The following FMR1 variants were observed in gnomAD, a reference collection of about 807,000 sequenced individuals.
The protein encoded by FMR1 is FMRP translational regulator 1.
FMR1 carries 13 observed loss-of-function variants against 50.6 expected under a neutral mutation model. The ratio of observed to expected loss-of-function variants is 0.26; its 90% CI spans 0.17 to 0.41. FMR1 has a LOEUF of 0.41. Ranked by LOEUF, FMR1 falls within the 10% of genes least tolerant of loss-of-function variation. The pLI is 1.00. For synonymous variants in FMR1, 138 were observed against 164.1 expected (o/e 0.84, Z 1.22); for missense variants, 316 against 491.3 (o/e 0.64, Z 3.37).
intron 9 of FMR1, among the ~76,000 whole-genome samples, chrX:147,935,290 G>C (rs1047412427): frequency 1.8e-5 from 2 of 111,897 alleles, no homozygotes; most frequent in Non-Finnish European, 3.8e-5. Flanking sequence ...AGAGTTTCTA[G>C]GGGTGAATGA....
intron 1 of FMR1, among the ~76,000 whole-genome samples, chrX:147,918,907 C>G (rs1557175914): frequency 9.0e-6 from 1 of 110,755 alleles, no homozygotes; most frequent in Non-Finnish European, 1.9e-5. Flanking sequence ...TAAGTAGTCG[C>G]ACATGACCCG....
intron 5 of FMR1, among the ~76,000 whole-genome samples, 154 bp from the exon 6 acceptor site, chrX:147,929,794 A>G (rs2043527013): frequency 1.8e-5 from 2 of 112,037 alleles, no homozygotes; most frequent in South Asian, 3.7e-4. Context: ...AGAAATGTAC[A>G]GAAAAGGAGC....
intron 16 of FMR1, among the ~76,000 whole-genome samples, chrX:147,946,596 C>T (rs1332721320): frequency 8.9e-6 from 1 of 112,437 alleles, no homozygotes; most frequent in Non-Finnish European, 1.9e-5. Flanking sequence ...TTTATTATTC[C>T]ACTTTATAGG....
Position 147,945,524 on chromosome X carries a change from A to G in FMR1, c.1655-10A>G. The G allele has an allele frequency of 8.4e-7, 1 of 1,191,794 alleles. No individual in the cohort carries two copies. The highest frequency in any genetic ancestry group is 1.1e-6 in the Non-Finnish European group (1 of 877,281). On this transcript the variant is annotated splice_polypyrimidine_tract_variant and intron_variant, in intron 15 of 16. Transcript: ENST00000370475. The stretch of plus-strand genomic sequence containing the variant: ...AGTAACTGTTGAACCTTTTGAAAAT[A>G]TTCTCATAGGAAACGACGATCACTC...
At position 147,949,837 on chromosome X, in the gene FMR1, T is replaced by C. The variant is rs1406330578; in HGVS notation, c.*993T>C. ...AAGTTTTGTGAAATTTTTCATATTT[T>C]AATTTCAAGCTTATTTTGGAGAGAT... On this transcript the variant is annotated 3_prime_UTR_variant, in exon 17 of 17. Transcript: ENST00000370475. 6.1e-6 allele frequency: 2 copies of C among 325,498 alleles called. No homozygotes were observed. The highest frequency in any genetic ancestry group is 9.5e-4 in the Middle Eastern group (1 of 1,058). The allele number at this position is 325,498 out of a possible 1,213,427, so 26.8% of individuals were successfully genotyped here.
chrX:147,932,249 T>TA (rs2043633683), intron 7 of FMR1, among the ~76,000 whole-genome samples, 176 bp from the exon 8 acceptor site: 1 of 111,845 alleles, frequency 8.9e-6, no homozygotes, highest in Non-Finnish European at 1.9e-5. Flanking sequence ...TTTAGTAACC[T>TA]AAAAAGTACT....
chrX:147,917,392 G>T (rs1437050971), intron 1 of FMR1, among the ~76,000 whole-genome samples: 1 of 111,535 alleles, frequency 9.0e-6, no homozygotes, highest in Non-Finnish European at 1.9e-5. Flanking sequence ...TTACCTCTTT[G>T]GCCCAGTTGC....
At chrX:147,914,094 T>G (rs2042731750) in intron 1 of FMR1, 1 of 112,546 alleles carries the variant, frequency 8.9e-6, no homozygotes, top group African/African-American at 3.2e-5. Context: ...AGAAATGCCT[T>G]CTATTTTTGC....
Position 147,932,479 on chromosome X carries a change from C to A in FMR1, c.685C>A (p.Leu229Met). The A allele has an allele frequency of 1.7e-6, 2 of 1,209,091 alleles. No homozygotes were observed. The highest frequency in any genetic ancestry group is 2.2e-6 in the Non-Finnish European group (2 of 893,129). Residue 229 changes from leucine to methionine, a missense_variant, in exon 8 of 17, where the codon CTG (leucine) becomes ATG (methionine). Transcript: ENST00000370475. ...TGAACAGTTTATCGTAAGAGAAGAT[C>A]TGATGGGTCTAGCTATTGGTACTCA... ...FHEQFIVREDLMGLAIGTHGA... is the reference protein window; with the variant it reads ...FHEQFIVREDMMGLAIGTHGA...
chrX:147,944,061 A>G, intron 14 of FMR1: 2 of 457,147 alleles, frequency 4.4e-6, no homozygotes, highest in Non-Finnish European at 5.4e-6. Flanking sequence ...CAACAGAGGA[A>G]GAGAGAGGTA....
intron 1 of FMR1, chrX:147,912,880 G>T (rs2042664207): frequency 2.4e-5 from 7 of 291,624 alleles, no homozygotes; most frequent in Non-Finnish European, 4.2e-5. Flanking sequence ...AAAAGTTTCA[G>T]GAAGACCCTA....
At chrX:147,932,630 A>G (rs1468916399) in intron 8 of FMR1, 35 bp downstream of exon 8, 14 of 1,194,200 alleles carry the variant, frequency 1.2e-5, no homozygotes, top group African/African-American at 1.7e-5. Context: ...TTTTTCCCCA[A>G]ACAAGTATTT....
intron 15 of FMR1, 135 bp downstream of exon 15, chrX:147,945,186 A>G: frequency 2.1e-6 from 2 of 962,421 alleles, no homozygotes; most frequent in Admixed American, 5.3e-5. Context: ...ATAGGAAAGG[A>G]TCAGCCTTCC....
At position 147,930,208 on chromosome X, in the gene FMR1, G is replaced by A. The variant is rs1557178456; in HGVS notation, c.594G>A (p.Leu198=). The change falls in exon 7 of 17, where the codon CTG becomes CTA. Residue 198 remains leucine (L), a synonymous_variant. Transcript: ENST00000370475. ...HFRSLRTKLS[L]IMRNEEASKQ... is the part of the protein sequence containing the mutation. The stretch of plus-strand genomic sequence containing the variant: ...GGAGTCTGCGCACTAAGTTGTCTCT[G>A]ATAATGAGAAATGAAGAAGCTAGTA... 8.3e-7 allele frequency: 1 copy of A among 1,202,628 alleles called. No individual in the cohort carries two copies. Among genetic ancestry groups the A allele is most frequent in the Non-Finnish European group, 1.1e-6 (1 of 888,678 alleles).
At position 147,945,148 on chromosome X, in the gene FMR1, C is replaced by T. The variant is rs1208002886; in HGVS notation, c.1654+97C>T. 12 of 1,111,864 alleles carry T rather than the reference C, an allele frequency of 1.1e-5. No homozygotes were observed. The East Asian group carries it at 3.9e-4, about 36-fold the overall frequency. 91.6% of individuals were successfully genotyped at this position (1,111,864 alleles called of 1,213,427 possible). A position where few individuals can be genotyped will look rare whatever the true frequency, so the allele number is the denominator to read the frequency against. ...TGATGCAATGAACTGTTACCAAGAT[C>T]CCATCTCTCCCGTTTTGTGCTGATA... On this transcript the variant is annotated intron_variant, in intron 15 of 16. Coordinates refer to ENST00000370475, the MANE Select transcript of FMR1 (RefSeq NM_002024.6).
intron 3 of FMR1, among the ~76,000 whole-genome samples, chrX:147,925,993 A>G (rs2043372321): frequency 8.9e-6 from 1 of 112,463 alleles, no homozygotes; most frequent in East Asian, 2.8e-4. Context: ...AATTTTACAC[A>G]GGAAAGAAAT....
At chrX:147,921,692 A>G (rs2043176247) in intron 1 of FMR1, among the ~76,000 whole-genome samples, 1 of 111,500 alleles carries the variant, frequency 9.0e-6, no homozygotes, top group African/African-American at 3.3e-5. Flanking sequence ...AGATGTTGAA[A>G]TCTGTGGAGA....
intron 13 of FMR1, 83 bp downstream of exon 13, chrX:147,940,745 C>T (rs782023401): frequency 4.6e-5 from 29 of 627,141 alleles, no homozygotes; most frequent in Non-Finnish European, 7.3e-5. Context: ...GCAGTTAGGA[C>T]TCATTCTAGC....
intron 2 of FMR1, among the ~76,000 whole-genome samples, chrX:147,924,391 A>G (rs1557177085): frequency 9.1e-6 from 1 of 110,497 alleles, no homozygotes; most frequent in Non-Finnish European, 1.9e-5. Flanking sequence ...GAAGAACACC[A>G]AAAAGAACCC....
Sources: allele counts gnomAD v4.1 joint callset (sites outside exome capture counted in the v4.1 genomes callset), GRCh38; gene constraint gnomAD v4.1.1; transcripts MANE v1.5; gene names NCBI Gene and HGNC (gene_info 2026-07-23, HGNC 2026-07-21).